Variants in SLC16A9 observed in about 807,000 individuals in gnomAD.
SLC16A9 encodes the protein monocarboxylate transporter 9.
A neutral mutation model predicts 44.3 loss-of-function variants in SLC16A9; 26 were observed. That is an observed-to-expected ratio of 0.59 (90% CI 0.43 to 0.81). The LOEUF is 0.81. Among genes scored for constraint, SLC16A9 ranks in the 40% least tolerant of loss-of-function variants. The pLI is 0.00. For missense variants in SLC16A9, 559 were observed against 595.8 expected, an observed-to-expected ratio of 0.94 and a Z score of 0.64; for synonymous variants, 230 against 225.1, an observed-to-expected ratio of 1.02 and a Z score of -0.19.
intron 1 of SLC16A9, among the ~76,000 whole-genome samples, chr10:59,688,386 T>G (rs1417641571): frequency 6.6e-6 from 1 of 152,162 alleles, no homozygotes; most frequent in Non-Finnish European, 1.5e-5. Flanking sequence ...GCATAAGTCT[T>G]TACACAAATT....
chr10:59,690,542 G>A (rs1422607635), intron 1 of SLC16A9, among the ~76,000 whole-genome samples: 8 of 152,124 alleles, frequency 5.3e-5, no homozygotes, highest in Admixed American at 2.0e-4. Flanking sequence ...ATAGAAGGGC[G>A]GCCAAGGCAA....
intron 1 of SLC16A9, among the ~76,000 whole-genome samples, chr10:59,704,479 G>T (rs1840597014): frequency 1.3e-5 from 2 of 152,202 alleles, no homozygotes; most frequent in Non-Finnish European, 2.9e-5. Context: ...CCATTGAAGA[G>T]TCATCTATTT....
At chr10:59,665,240 A>G (rs1488566737) in intron 3 of SLC16A9, among the ~76,000 whole-genome samples, 1 of 152,172 alleles carries the variant, frequency 6.6e-6, no homozygotes, top group African/African-American at 2.4e-5. Flanking sequence ...TTTCTTCCAC[A>G]ACATTATCTG....
chr10:59,706,630 T>TACACACACACACACACAA (rs1840641764), intron 1 of SLC16A9, among the ~76,000 whole-genome samples: 1 of 145,928 alleles, frequency 6.9e-6, no homozygotes, highest in African/African-American at 2.6e-5. Flanking sequence ...AGAAATGTGA[T>TACACACACACACACACAA]ACACACACAC....
At chr10:59,709,414 G>A (rs1840716204) in intron 1 of SLC16A9, 65 bp downstream of exon 1, 1 of 152,470 alleles carries the variant, frequency 6.6e-6, no homozygotes, top group African/African-American at 2.4e-5. Flanking sequence ...CTTGCCTCTA[G>A]GACGCTGGGC....
chr10:59,674,109 T>C (rs1839809444), intron 2 of SLC16A9, among the ~76,000 whole-genome samples: 1 of 152,224 alleles, frequency 6.6e-6, no homozygotes, highest in Non-Finnish European at 1.5e-5. Context: ...AATGATTATA[T>C]GAGTGTATTC....
At chr10:59,699,338 A>T (rs777509559) in intron 1 of SLC16A9, among the ~76,000 whole-genome samples, 1 of 152,194 alleles carries the variant, frequency 6.6e-6, no homozygotes, top group Non-Finnish European at 1.5e-5. Context: ...TGGCAGGTTG[A>T]ATTTCCACTT....
At chr10:59,659,582 A>C (rs558628805) in intron 4 of SLC16A9, among the ~76,000 whole-genome samples, 1 of 152,142 alleles carries the variant, frequency 6.6e-6, no homozygotes, top group African/African-American at 2.4e-5. Context: ...TCAATACTGG[A>C]CAGATCAATG....
rs770783816 is a variant in SLC16A9, at chr10:59,654,226, G to C, written c.800C>G (p.Thr267Arg). The C allele has an allele frequency of 1.9e-6, 3 of 1,614,126 alleles. No individual in the cohort carries two copies. Among genetic ancestry groups the C allele is most frequent in the South Asian group, 2.2e-5 (2 of 91,076 alleles). Residue 267 changes from threonine (T) to arginine (R), a missense_variant, in exon 5 of 6, where the codon ACG becomes AGG. Transcript: ENST00000395348. ...PTVTHTKEPE[T>R]YKKKVAEQTY... Reference sequence around the variant, plus strand: ...CTGTTCTGCAACTTTCTTTTTGTACGTTTCAGGCTCTTTTGTGTGTGTCAC... The same window carrying C: ...CTGTTCTGCAACTTTCTTTTTGTACCTTTCAGGCTCTTTTGTGTGTGTCAC...
chr10:59,676,821 G>A (rs1839868795), intron 2 of SLC16A9, among the ~76,000 whole-genome samples: 1 of 151,744 alleles, frequency 6.6e-6, no homozygotes, highest in African/African-American at 2.4e-5. Context: ...TACTCGGTAG[G>A]CTGAGGCAGG....
intron 4 of SLC16A9, among the ~76,000 whole-genome samples, chr10:59,663,641 G>A (rs527752376): frequency 7.6e-4 from 116 of 152,168 alleles, no homozygotes; most frequent in Non-Finnish European, 1.5e-3. Context: ...ATAGCATTAG[G>A]AGAAATACCT....
intron 3 of SLC16A9, among the ~76,000 whole-genome samples, chr10:59,667,332 C>T (rs1773646843): frequency 6.6e-6 from 1 of 152,126 alleles, no homozygotes; most frequent in African/African-American, 2.4e-5. Flanking sequence ...ATACTTCAAT[C>T]AAGAAGCATA....
At chr10:59,697,962 T>TAAAAAAAAAAAAAAAAAAA (rs34931109) in intron 1 of SLC16A9, among the ~76,000 whole-genome samples, 4 of 136,050 alleles carry the variant, frequency 2.9e-5, no homozygotes, top group Non-Finnish European at 4.8e-5. Flanking sequence ...GGGCACACAG[T>TAAAAAAAAAAAAAAAAAAA]AAAAAAAAAA....
chr10:59,676,366 A>G (rs1839857528), intron 2 of SLC16A9, among the ~76,000 whole-genome samples: 1 of 152,228 alleles, frequency 6.6e-6, no homozygotes, highest in Admixed American at 6.5e-5. Flanking sequence ...GTAACTGTGC[A>G]AGGCCTCAAG....
At chr10:59,685,808 G>A (rs1396118130) in intron 1 of SLC16A9, among the ~76,000 whole-genome samples, 1 of 152,174 alleles carries the variant, frequency 6.6e-6, no homozygotes, top group Admixed American at 6.5e-5. Context: ...TATTGAAAAA[G>A]CTGAGTTGGG....
intron 1 of SLC16A9, among the ~76,000 whole-genome samples, chr10:59,692,360 C>A (rs1840271732): frequency 6.6e-6 from 1 of 152,122 alleles, no homozygotes; most frequent in Non-Finnish European, 1.5e-5. Flanking sequence ...GCTGCTGTGG[C>A]AGATGAAAAG....
chr10:59,654,525 C>T lies in SLC16A9; in HGVS notation c.501G>A (p.Leu167=). ...LQRMLVEFYG[L]DGCLLIVGAL... Reference sequence around the variant, plus strand: ...CACCCACAATCAGCAAGCATCCATCCAGTCCATAGAACTCAACCAGCATCC... The same window carrying T: ...CACCCACAATCAGCAAGCATCCATCTAGTCCATAGAACTCAACCAGCATCC... Residue 167 remains leucine, a synonymous_variant, in exon 5 of 6, where the codon CTG becomes CTA. Coordinates refer to ENST00000395348, the MANE Select transcript of SLC16A9 (RefSeq NM_194298.3). 1 of 1,608,902 alleles carries T rather than the reference C, an allele frequency of 6.2e-7. No individual in the cohort carries two copies. Among genetic ancestry groups the T allele is most frequent in the Non-Finnish European group, 8.5e-7 (1 of 1,179,986 alleles).
chr10:59,656,359 T>C (rs949296962), intron 4 of SLC16A9, among the ~76,000 whole-genome samples: 1 of 152,236 alleles, frequency 6.6e-6, no homozygotes, highest in Non-Finnish European at 1.5e-5. Flanking sequence ...TACTTAAAAA[T>C]GCTCTTGGTG....
In SLC16A9 at chr10:59,651,765, A is replaced by G. The variant is rs1839205021; in HGVS notation, c.*1007T>C. 2 of 141,722 alleles carry G rather than the reference A, an allele frequency of 1.4e-5. No individual in the cohort carries two copies. Among genetic ancestry groups the G allele is most frequent in the South Asian group, 2.1e-4 (1 of 4,708 alleles). 8.8% of individuals were successfully genotyped at this position (141,722 alleles called of 1,614,324 possible). ...CATGCAGACTTAGAGCATGCATAGC[A>G]CACACACACACACACACACACACTC... On this transcript the variant is annotated 3_prime_UTR_variant, in exon 6 of 6. Coordinates refer to ENST00000395348, the MANE Select transcript of SLC16A9 (RefSeq NM_194298.3).
Sources: gnomAD v4.1 joint callset for allele counts (sites outside exome capture counted in the v4.1 genomes callset) on GRCh38, gnomAD v4.1.1 for gene constraint, MANE v1.5 for transcripts, NCBI Gene and HGNC (gene_info 2026-07-23, HGNC 2026-07-21) for gene names.